The following HCN1 variants were observed in gnomAD, a reference collection of about 807,000 sequenced individuals.
The protein encoded by HCN1 is hyperpolarization activated cyclic nucleotide gated potassium channel 1.
Under a neutral mutation model 78.9 loss-of-function variants are expected in HCN1, and 13 were observed. That is an observed-to-expected ratio of 0.16 (90% CI 0.11 to 0.26). The LOEUF is 0.26. Among genes scored for constraint, HCN1 ranks in the 10% least tolerant of loss-of-function variants. The pLI is 1.00. For synonymous variants in HCN1, 552 were observed against 455.5 expected, an observed-to-expected ratio of 1.21 and a Z score of -2.70; for missense variants, 810 against 1,154.3, an observed-to-expected ratio of 0.70 and a Z score of 4.32.
Position 45,500,398 on chromosome 5 carries a change from G to T in HCN1, c.850-38391C>A, listed in dbSNP as rs561477715. Among the ~76,000 whole-genome samples the T allele has an allele frequency of 1.2e-4, 18 of 152,134 alleles. No homozygotes were observed. In the South Asian group the frequency reaches 3.3e-3, roughly 28 times the overall value. ...AACTAAGTTGAAATTACAAAATATG[G>T]TTTTTAAAATAAAATGTTTATGAAG... On this transcript the variant is annotated intron_variant, in intron 2 of 7. Coordinates refer to ENST00000303230, the MANE Select transcript of HCN1 (RefSeq NM_021072.4).
At chr5:45,373,371 T>C (rs1198899720) in intron 4 of HCN1, among the ~76,000 whole-genome samples, 15 of 117,856 alleles carry the variant, frequency 1.3e-4, no homozygotes, top group Admixed American at 4.3e-4. Context: ...ATATAATATA[T>C]ATTTTATATA....
intron 4 of HCN1, among the ~76,000 whole-genome samples, chr5:45,361,960 A>C (rs540433950): frequency 1.4e-4 from 21 of 152,252 alleles, no homozygotes; most frequent in Admixed American, 6.6e-5. Context: ...TCTGTCTAAA[A>C]CATCTTTAGT....
intron 5 of HCN1, among the ~76,000 whole-genome samples, chr5:45,332,900 C>G (rs1561110408): frequency 6.6e-6 from 1 of 151,624 alleles, no homozygotes; most frequent in East Asian, 1.9e-4. Flanking sequence ...TTGATGGACA[C>G]TTCAGTTGTT....
intron 2 of HCN1, among the ~76,000 whole-genome samples, chr5:45,484,338 G>A (rs1033294945): frequency 1.3e-5 from 2 of 152,128 alleles, no homozygotes; most frequent in African/African-American, 4.8e-5. Context: ...GGAGGCTGGG[G>A]CAGCAGAATG....
rs1345473137 is a variant in HCN1 at position 45,255,154 on chromosome 5, G to A, written c.*6767C>T. 1 of 152,174 alleles carries A rather than the reference G, an allele frequency of 6.6e-6. No individual in the cohort carries two copies. The highest frequency in any genetic ancestry group is 1.5e-5 in the Non-Finnish European group (1 of 68,034). The allele number at this position is 152,174 out of a possible 1,614,324, so 9.4% of individuals were successfully genotyped here. ...TGGTTCTAACTAGCAAGTGCCAGGA[G>A]GCAGGCTGGGTTAGACAGCGTGACC... On this transcript the variant is annotated 3_prime_UTR_variant, in exon 8 of 8. Transcript: ENST00000303230.
At chr5:45,476,700 T>C (rs1741523580) in intron 2 of HCN1, among the ~76,000 whole-genome samples, 1 of 152,178 alleles carries the variant, frequency 6.6e-6, no homozygotes, top group Admixed American at 6.6e-5. Context: ...GTCTGCCCTC[T>C]TCATTAGACT....
rs983240653 is a variant in HCN1 at position 45,258,101 on chromosome 5, T to C, written c.*3820A>G. ...ATCTCATTCAAACAGGTTAACATTA[T>C]AAACAGTGCAAGTGAGGGCCATAGA... On this transcript the variant is annotated 3_prime_UTR_variant, in exon 8 of 8. Transcript: ENST00000303230. 3 of 152,110 alleles carry C rather than the reference T, an allele frequency of 2.0e-5. No individual in the cohort carries two copies. Among genetic ancestry groups the C allele is most frequent in the African/African-American group, 7.2e-5 (3 of 41,406 alleles). 9.4% of individuals were successfully genotyped at this position (152,110 alleles called of 1,614,324 possible). A position where few individuals can be genotyped will look rare whatever the true frequency, so the allele number is the denominator to read the frequency against.
chr5:45,527,760 G>A (rs1433864557), intron 2 of HCN1, among the ~76,000 whole-genome samples: 1 of 151,810 alleles, frequency 6.6e-6, no homozygotes, highest in African/African-American at 2.4e-5. Context: ...AATAGAATGC[G>A]AGGGGACTGA....
At chr5:45,584,064 G>T (rs1172889462) in intron 2 of HCN1, among the ~76,000 whole-genome samples, 1 of 152,148 alleles carries the variant, frequency 6.6e-6, no homozygotes, top group South Asian at 2.1e-4. Flanking sequence ...GCAGAGCTGA[G>T]TTCAATTCCT....
chr5:45,304,480 A>T (rs1403555447), intron 5 of HCN1, among the ~76,000 whole-genome samples: 1 of 152,088 alleles, frequency 6.6e-6, no homozygotes, highest in Non-Finnish European at 1.5e-5. Flanking sequence ...GTTCAAGACC[A>T]GCCTGGTCAA....
chr5:45,546,375 A>C (rs927357277), intron 2 of HCN1, among the ~76,000 whole-genome samples: 1 of 151,804 alleles, frequency 6.6e-6, no homozygotes, highest in Non-Finnish European at 1.5e-5. Flanking sequence ...TTGATGTTTA[A>C]ATGTTGCAAA....
intron 6 of HCN1, among the ~76,000 whole-genome samples, chr5:45,287,228 G>A (rs1745286731): frequency 6.6e-6 from 1 of 151,810 alleles, no homozygotes; most frequent in Non-Finnish European, 1.5e-5. Flanking sequence ...ACTGTAGGAA[G>A]AGCGGTTACC....
chr5:45,313,116 C>A (rs916907137), intron 5 of HCN1, among the ~76,000 whole-genome samples: 4 of 152,192 alleles, frequency 2.6e-5, no homozygotes, highest in South Asian at 2.1e-4. Context: ...AGGCACCCCC[C>A]AGTAGGGGCA....
At position 45,544,634 on chromosome 5, in the gene HCN1, T is replaced by C. The variant is rs557587814; in HGVS notation, c.850-82627A>G. ...TCCCACAACAGGCCCCAGTGTGTGA[T>C]ATTCCCCACCTAGTGTCCAAGTGTT... On this transcript the variant is annotated intron_variant, in intron 2 of 7. Coordinates refer to ENST00000303230, the MANE Select transcript of HCN1 (RefSeq NM_021072.4). 1.4e-3 allele frequency among the ~76,000 whole-genome samples: 169 copies of C among 123,690 alleles called. 1 individual carries two copies. Among genetic ancestry groups the C allele is most frequent in the African/African-American group, 4.9e-3 (160 of 32,854 alleles). The allele number at this position is 123,690 out of a possible 152,430, so 81.1% of individuals were successfully genotyped here.
chr5:45,645,182 T>G lies in HCN1; in HGVS notation c.849+3A>C. ...ATTTAAAAAAGAAAAAGATGCATCT[T>G]ACCTCTTCCCATTGATGTATGTATC... On this transcript the variant is annotated splice_donor_region_variant and intron_variant, in intron 2 of 7. Transcript: ENST00000303230. 1 of 1,602,656 alleles carries G rather than the reference T, an allele frequency of 6.2e-7. No individual in the cohort carries two copies.
At chr5:45,679,087 G>C (rs1436531407) in intron 1 of HCN1, among the ~76,000 whole-genome samples, 1 of 152,008 alleles carries the variant, frequency 6.6e-6, no homozygotes, top group Non-Finnish European at 1.5e-5. Flanking sequence ...AAATGACTAA[G>C]TCATTGGATC....
At chr5:45,690,603 A>T (rs1409701968) in intron 1 of HCN1, among the ~76,000 whole-genome samples, 2 of 152,052 alleles carry the variant, frequency 1.3e-5, no homozygotes, top group Non-Finnish European at 2.9e-5. Flanking sequence ...AACTAATGGT[A>T]AGTTGTACAT....
At chr5:45,322,068 A>G (rs1368444322) in intron 5 of HCN1, among the ~76,000 whole-genome samples, 1 of 151,934 alleles carries the variant, frequency 6.6e-6, no homozygotes, top group Non-Finnish European at 1.5e-5. Flanking sequence ...TTGGTAAATA[A>G]GCATCCTGGT....
At chr5:45,537,295 C>A (rs909344516) in intron 2 of HCN1, among the ~76,000 whole-genome samples, 1 of 152,082 alleles carries the variant, frequency 6.6e-6, no homozygotes, top group African/African-American at 2.4e-5. Context: ...TGATAGTTAT[C>A]TGCTAAAGTT....
Sources: gnomAD v4.1 joint callset for allele counts (sites outside exome capture counted in the v4.1 genomes callset) on GRCh38, gnomAD v4.1.1 for gene constraint, MANE v1.5 for transcripts, NCBI Gene and HGNC (gene_info 2026-07-23, HGNC 2026-07-21) for gene names.